RSPO3: variants seen among roughly 807,000 people sequenced by gnomAD.
RSPO3 encodes R-spondin-3.
Under a neutral mutation model 36.5 loss-of-function variants are expected in RSPO3, and 17 were observed. The observed-to-expected ratio is 0.47, with a 90% CI of 0.32 to 0.70. The LOEUF (loss-of-function observed/expected upper bound fraction) is 0.70. Among genes scored for constraint, RSPO3 ranks in the 30% least tolerant of loss-of-function variants. RSPO3 has a pLI of 0.04. For synonymous variants in RSPO3, 108 were observed against 107.0 expected (o/e 1.01, Z -0.06); for missense variants, 294 against 322.5 (o/e 0.91, Z 0.68).
intron 1 of RSPO3, among the ~76,000 whole-genome samples, chr6:127,143,328 G>C (rs1774316943): frequency 6.6e-6 from 1 of 152,084 alleles, no homozygotes; most frequent in Non-Finnish European, 1.5e-5. Context: ...CTTCTAAAAA[G>C]AGAAGGCATG....
At chr6:127,184,864 A>G (rs541467286) in intron 4 of RSPO3, among the ~76,000 whole-genome samples, 2 of 152,058 alleles carry the variant, frequency 1.3e-5, no homozygotes, top group Admixed American at 1.3e-4. Context: ...TCACCCCAAA[A>G]ATAGAACTTT....
At position 127,118,997 on chromosome 6, in the gene RSPO3, T is replaced by C; in HGVS notation, c.-196T>C. On this transcript the variant is annotated 5_prime_UTR_variant, in exon 1 of 5. Coordinates refer to ENST00000356698, the MANE Select transcript of RSPO3 (RefSeq NM_032784.5). ...GTTCAGTGCTTGGATAATTTGAAAG[T>C]ACAATAGTTGGTTTCCCTGTCCACC... 3 of 467,232 alleles carry C rather than the reference T, an allele frequency of 6.4e-6. No individual in the cohort carries two copies. Among genetic ancestry groups the C allele is most frequent in the Non-Finnish European group, 1.1e-5 (3 of 265,746 alleles). 28.9% of individuals were successfully genotyped at this position (467,232 alleles called of 1,614,324 possible). A position where few individuals can be genotyped will look rare whatever the true frequency, so the allele number is the denominator to read the frequency against.
intron 4 of RSPO3, among the ~76,000 whole-genome samples, chr6:127,167,664 G>A (rs1774848503): frequency 1.3e-5 from 2 of 151,876 alleles, no homozygotes; most frequent in Non-Finnish European, 2.9e-5. Context: ...ACAACATGCA[G>A]GTTTGTTACA....
intron 4 of RSPO3, among the ~76,000 whole-genome samples, chr6:127,159,312 C>A (rs901248632): frequency 6.6e-6 from 1 of 151,822 alleles, no homozygotes; most frequent in Admixed American, 6.6e-5. Context: ...GTTAGTTTTA[C>A]AAAAAAGATT....
chr6:127,136,397 G>A (rs773694454), intron 1 of RSPO3, among the ~76,000 whole-genome samples: 7 of 152,042 alleles, frequency 4.6e-5, no homozygotes, highest in South Asian at 2.1e-4. Flanking sequence ...TACACATGCC[G>A]TACTCTCATC....
chr6:127,125,249 CA>C (rs1773917053), intron 1 of RSPO3, among the ~76,000 whole-genome samples: 1 of 152,084 alleles, frequency 6.6e-6, no homozygotes, highest in African/African-American at 2.4e-5. Context: ...ATCTACTCTT[CA>C]AAACACCGCC....
chr6:127,145,112 A>G (rs1005415706), intron 1 of RSPO3, among the ~76,000 whole-genome samples: 1 of 151,676 alleles, frequency 6.6e-6, no homozygotes, highest in Non-Finnish European at 1.5e-5. Flanking sequence ...ACCATGCCCT[A>G]CTCTCCAACT....
Position 127,195,929 on chromosome 6 carries a change from A to G in RSPO3, c.741A>G (p.Gln247=). 6.2e-7 allele frequency: 1 copy of G among 1,613,436 alleles called. No individual in the cohort carries two copies. Among genetic ancestry groups the G allele is most frequent in the Non-Finnish European group, 8.5e-7 (1 of 1,179,502 alleles). ...AATCCAGCAAAGAAATCCCAGAGCA[A>G]CGAGAAAACAAACAGCAGCAGAAGA... ...SLESSKEIPE[Q]RENKQQQKKR... Residue 247 remains glutamine, a synonymous_variant, in exon 5 of 5, where the codon CAA becomes CAG. Coordinates refer to ENST00000356698, the MANE Select transcript of RSPO3 (RefSeq NM_032784.5).
At chr6:127,195,766 A>G in intron 4 of RSPO3, 57 bp from the exon 5 acceptor site, 2 of 1,199,744 alleles carry the variant, frequency 1.7e-6, no homozygotes, top group Non-Finnish European at 2.3e-6. Context: ...TTAAAATGTA[A>G]TTAAAAAATA....
chr6:127,194,382 T>C (rs1020910134), intron 4 of RSPO3, among the ~76,000 whole-genome samples: 1 of 152,242 alleles, frequency 6.6e-6, no homozygotes, highest in African/African-American at 2.4e-5. Context: ...GAATTTGTCA[T>C]ACCTCAGGAA....
At chr6:127,152,603 T>C (rs961772901) in intron 3 of RSPO3, among the ~76,000 whole-genome samples, 1 of 152,132 alleles carries the variant, frequency 6.6e-6, no homozygotes, top group African/African-American at 2.4e-5. Context: ...TCTTTCTCAT[T>C]GCTAAAATCC....
intron 1 of RSPO3, among the ~76,000 whole-genome samples, chr6:127,143,595 T>G (rs578189076): frequency 4.1e-4 from 63 of 152,338 alleles, no homozygotes; most frequent in Non-Finnish European, 9.1e-4. Flanking sequence ...TCTTTTCAAC[T>G]CAGTCAAACC....
chr6:127,146,665 G>C (rs2503110), intron 1 of RSPO3, among the ~76,000 whole-genome samples: 4,515 of 152,060 alleles, frequency 0.03, 123 homozygotes, highest in Middle Eastern at 0.12. Flanking sequence ...TCAGAGATAG[G>C]GATGGATTGG....
intron 1 of RSPO3, among the ~76,000 whole-genome samples, chr6:127,124,406 C>T (rs1197987524): frequency 6.6e-6 from 1 of 152,032 alleles, no homozygotes; most frequent in Admixed American, 6.5e-5. Flanking sequence ...AGGAAAACAT[C>T]ATTCAGTTTT....
At chr6:127,136,112 T>C (rs1160132126) in intron 1 of RSPO3, among the ~76,000 whole-genome samples, 1 of 152,172 alleles carries the variant, frequency 6.6e-6, no homozygotes, top group Non-Finnish European at 1.5e-5. Context: ...AAATAACTCC[T>C]GTAGCCATTC....
At chr6:127,136,838 T>C (rs947167780) in intron 1 of RSPO3, among the ~76,000 whole-genome samples, 1 of 152,194 alleles carries the variant, frequency 6.6e-6, no homozygotes, top group African/African-American at 2.4e-5. Flanking sequence ...GAAAGGCATG[T>C]ATATTAGAGG....
At chr6:127,157,612 A>C (rs1774620586) in intron 4 of RSPO3, among the ~76,000 whole-genome samples, 1 of 152,090 alleles carries the variant, frequency 6.6e-6, no homozygotes, top group Non-Finnish European at 1.5e-5. Context: ...TTTTACATTT[A>C]CAAAGAGAAG....
chr6:127,187,724 GA>G (rs1775325303), intron 4 of RSPO3, among the ~76,000 whole-genome samples: 1 of 151,908 alleles, frequency 6.6e-6, no homozygotes, highest in African/African-American at 2.4e-5. Flanking sequence ...CTGCTCTGAA[GA>G]AAAAATTACT....
At chr6:127,167,676 A>T (rs1774848742) in intron 4 of RSPO3, among the ~76,000 whole-genome samples, 1 of 151,986 alleles carries the variant, frequency 6.6e-6, no homozygotes, top group Non-Finnish European at 1.5e-5. Context: ...TTTGTTACAT[A>T]TGTATACATG....
Sources: allele counts gnomAD v4.1 joint callset (sites outside exome capture counted in the v4.1 genomes callset), GRCh38; gene constraint gnomAD v4.1.1; transcripts MANE v1.5; gene names NCBI Gene and HGNC (gene_info 2026-07-23, HGNC 2026-07-21).